KCNJ16: variants seen among roughly 807,000 people sequenced by gnomAD.
KCNJ16 encodes the protein inward rectifier potassium channel 16.
KCNJ16 carries 15 observed loss-of-function variants against 18.5 expected under a neutral mutation model. The observed-to-expected ratio is 0.81, with a 90% CI of 0.54 to 1.25. The LOEUF (loss-of-function observed/expected upper bound fraction) is 1.25. KCNJ16 is among the 50% of genes most tolerant of loss of function. The probability of loss-of-function intolerance (pLI) is 0.00; values close to 1 mark genes in which losing one functional copy is unlikely to be tolerated. For missense variants in KCNJ16, 523 were observed against 525.7 expected (o/e 0.99, Z 0.05); for synonymous variants, 174 against 186.5 (o/e 0.93, Z 0.55).
At chr17:70,076,703 T>C (rs1024574) in intron 1 of KCNJ16, among the ~76,000 whole-genome samples, 130,117 of 152,196 alleles carry the variant, frequency 0.85, 55,739 homozygotes, top group East Asian at 0.99. Context: ...TTGAAAAATA[T>C]ATGTTTCTTC....
chr17:70,132,814 G>A lies in KCNJ16; in HGVS notation c.727G>A (p.Asp243Asn), dbSNP rs200507298. ...ATTTAAAGACCTCAAATTAGTCAACGACCAAATCATCCTGGTCACCCCGGT... is the reference window on the plus strand; with the variant it reads ...ATTTAAAGACCTCAAATTAGTCAACAACCAAATCATCCTGGTCACCCCGGT... ...MAFKDLKLVNDQIILVTPVTI... is the reference protein window; with the variant it reads ...MAFKDLKLVNNQIILVTPVTI... Residue 243 changes from aspartate (D) to asparagine (N), a missense_variant, in exon 4 of 4, where the codon GAC becomes AAC. Physicochemically the swap from Asp to Asn is conservative, Grantham distance 23. Transcript: ENST00000392671. 5.1e-5 allele frequency: 82 copies of A among 1,613,934 alleles called. 1 individual carries two copies. In the South Asian group the frequency reaches 7.5e-4, roughly 15 times the overall value.
intron 2 of KCNJ16, among the ~76,000 whole-genome samples, chr17:70,111,647 T>A (rs2073188671): frequency 6.6e-6 from 1 of 152,082 alleles, no homozygotes; most frequent in African/African-American, 2.4e-5. Context: ...CCAAATCTCA[T>A]CTTCAGTTGT....
intron 2 of KCNJ16, chr17:70,128,622 A>G (rs1399198074): frequency 6.6e-6 from 1 of 152,248 alleles, no homozygotes. Flanking sequence ...TGTCATTATT[A>G]TATGTCAGAA....
chr17:70,118,860 C>A (rs1020866501), intron 2 of KCNJ16, among the ~76,000 whole-genome samples: 15 of 152,258 alleles, frequency 9.9e-5, no homozygotes, highest in African/African-American at 3.4e-4. Flanking sequence ...TTGCAAAATA[C>A]AATCATTCCT....
intron 1 of KCNJ16, among the ~76,000 whole-genome samples, chr17:70,081,817 T>TGTGTGTGA (rs1417357856): frequency 5.4e-4 from 82 of 152,030 alleles, no homozygotes; most frequent in Admixed American, 2.0e-3. Context: ...TGTGTGTGTG[T>TGTGTGTGA]GTGTGTGTGT....
At chr17:70,131,949 G>T (rs1179964155) in intron 3 of KCNJ16, 46 bp from the exon 4 acceptor site, 16 of 1,502,054 alleles carry the variant, frequency 1.1e-5, no homozygotes, top group African/African-American at 1.4e-5. Flanking sequence ...TATAAAGATG[G>T]ACATTGAAAG....
At position 70,101,506 on chromosome 17, in the gene KCNJ16, T is replaced by C. The variant is rs557251272; in HGVS notation, c.-191+740T>C. The C allele has an allele frequency of 3.3e-5, 5 of 152,346 alleles. No homozygotes were observed. The South Asian group carries it at 1.0e-3, about 32-fold the overall frequency. 9.4% of individuals were successfully genotyped at this position (152,346 alleles called of 1,614,324 possible). ...ACCATCTGGTGTTTCATGTTTGCTT[T>C]TGATTTGTAAAAGACTCAGACCTAT... On this transcript the variant is annotated intron_variant, in intron 2 of 3. Transcript: ENST00000392671.
At chr17:70,125,095 A>T (rs928585032) in intron 2 of KCNJ16, among the ~76,000 whole-genome samples, 79 of 152,092 alleles carry the variant, frequency 5.2e-4, no homozygotes, top group African/African-American at 1.8e-3. Flanking sequence ...GCGGGACCCT[A>T]TCTCTAAAAA....
At chr17:70,107,442 C>T (rs62081370) in intron 2 of KCNJ16, among the ~76,000 whole-genome samples, 7,584 of 152,224 alleles carry the variant, frequency 0.05, 297 homozygotes, top group Non-Finnish European at 0.076. Context: ...AAACATCTAT[C>T]CTTAGAGACT....
At chr17:70,079,551 A>G (rs544046605) in intron 1 of KCNJ16, among the ~76,000 whole-genome samples, 3 of 152,318 alleles carry the variant, frequency 2.0e-5, no homozygotes, top group African/African-American at 4.8e-5. Context: ...ATTAGACATT[A>G]TATGTTTCAA....
intron 2 of KCNJ16, among the ~76,000 whole-genome samples, chr17:70,129,049 G>A (rs946546474): frequency 6.6e-6 from 1 of 152,206 alleles, no homozygotes; most frequent in South Asian, 2.1e-4. Flanking sequence ...GCAGGCTGCT[G>A]ACTCAAGTGG....
intron 2 of KCNJ16, among the ~76,000 whole-genome samples, chr17:70,103,321 T>TAC (rs1321986647): frequency 1.3e-3 from 58 of 44,476 alleles, no homozygotes; most frequent in African/African-American, 3.7e-3. Flanking sequence ...TATATATATA[T>TAC]ACACACACAT....
intron 2 of KCNJ16, among the ~76,000 whole-genome samples, chr17:70,103,510 T>C (rs1490489183): frequency 2.0e-5 from 3 of 151,572 alleles, no homozygotes; most frequent in Non-Finnish European, 4.4e-5. Flanking sequence ...TCGTATCACA[T>C]GTCACAATTT....
At chr17:70,086,126 A>G (rs933586939) in intron 1 of KCNJ16, among the ~76,000 whole-genome samples, 1 of 152,186 alleles carries the variant, frequency 6.6e-6, no homozygotes, top group Non-Finnish European at 1.5e-5. Flanking sequence ...TTAATTCAAG[A>G]TAATATAAAT....
intron 1 of KCNJ16, among the ~76,000 whole-genome samples, chr17:70,076,276 C>T (rs1295807213): frequency 6.6e-6 from 1 of 152,102 alleles, no homozygotes; most frequent in Non-Finnish European, 1.5e-5. Context: ...TGTATGAATG[C>T]ACCTTTGTTA....
chr17:70,092,535 TAGATATAGATAG>T (rs776843472), intron 1 of KCNJ16, among the ~76,000 whole-genome samples: 822 of 17,648 alleles, frequency 0.047, 7 homozygotes, highest in South Asian at 0.09. Context: ...CATAGACAGA[TAGATATAGATAG>T]ATATAGATAG....
intron 1 of KCNJ16, among the ~76,000 whole-genome samples, chr17:70,091,485 T>C (rs531958009): frequency 4.6e-5 from 7 of 152,234 alleles, no homozygotes; most frequent in Admixed American, 3.9e-4. Context: ...AATTTAGGCT[T>C]AGGAATGATA....
At chr17:70,095,572 T>G (rs2072320095) in intron 1 of KCNJ16, among the ~76,000 whole-genome samples, 1 of 152,242 alleles carries the variant, frequency 6.6e-6, no homozygotes, top group African/African-American at 2.4e-5. Context: ...TCTGCCTGCC[T>G]GTGAGTCTCT....
chr17:70,082,160 G>A (rs534462702), intron 1 of KCNJ16, among the ~76,000 whole-genome samples: 1 of 152,280 alleles, frequency 6.6e-6, no homozygotes, highest in South Asian at 2.1e-4. Context: ...ACTGTGCCTG[G>A]GAGATCAAGG....
Sources: gnomAD v4.1 joint callset for allele counts (sites outside exome capture counted in the v4.1 genomes callset) on GRCh38, gnomAD v4.1.1 for gene constraint, MANE v1.5 for transcripts, NCBI Gene and HGNC (gene_info 2026-07-23, HGNC 2026-07-21) for gene names.